The following AK5 variants were observed in gnomAD, a reference collection of about 807,000 sequenced individuals.
AK5 encodes adenylate kinase isoenzyme 5.
Under a neutral mutation model 69.5 loss-of-function variants are expected in AK5, and 27 were observed. The ratio of observed to expected loss-of-function variants is 0.39; its 90% CI spans 0.29 to 0.54. AK5 has a LOEUF of 0.54. Ranked by LOEUF, AK5 falls within the 20% of genes least tolerant of loss-of-function variation. AK5 has a pLI of 0.71. For missense variants in AK5, 531 were observed against 700.4 expected, an observed-to-expected ratio of 0.76 and a Z score of 2.73; for synonymous variants, 260 against 244.4, an observed-to-expected ratio of 1.06 and a Z score of -0.60.
intron 12 of AK5, among the ~76,000 whole-genome samples, chr1:77,528,147 C>A (rs2100335748): frequency 6.6e-6 from 1 of 152,342 alleles, no homozygotes; most frequent in African/African-American, 2.4e-5. Context: ...TAATGCCCTG[C>A]AGGGCCCTTC....
chr1:77,310,357 C>T (rs909849755), intron 5 of AK5, among the ~76,000 whole-genome samples: 15 of 151,726 alleles, frequency 9.9e-5, no homozygotes, highest in Non-Finnish European at 8.8e-5. Context: ...AAGAACAATC[C>T]CACCCCTTCT....
At chr1:77,353,408 G>A (rs77352995) in intron 6 of AK5, among the ~76,000 whole-genome samples, 6,429 of 152,212 alleles carry the variant, frequency 0.042, 200 homozygotes, top group South Asian at 0.094. Context: ...AACCCAGGAG[G>A]CGGATGTTGC....
intron 12 of AK5, among the ~76,000 whole-genome samples, chr1:77,527,876 A>G (rs898577389): frequency 6.6e-6 from 1 of 152,198 alleles, no homozygotes; most frequent in African/African-American, 2.4e-5. Context: ...CCAGACTAAC[A>G]TGGCGAAACC....
chr1:77,293,893 A>G lies in AK5; in HGVS notation c.348A>G (p.Ala116=), dbSNP rs2815311. Residue 116 remains alanine (A), a synonymous_variant, in exon 3 of 14, where the codon GCA becomes GCG. Transcript: ENST00000354567. The part of the protein sequence containing the change: ...IESDTDLSET[A]ELIEEYEVFD... ...GTGACACGGATCTCTCTGAGACTGCAGAGTTGATTGAGGAGTATGAGGTTT... is the reference window on the plus strand; with the variant it reads ...GTGACACGGATCTCTCTGAGACTGCGGAGTTGATTGAGGAGTATGAGGTTT... The G allele has an allele frequency of 0.19, 307,299 of 1,612,968 alleles. 31,570 individuals are homozygous for G. Among genetic ancestry groups the G allele is most frequent in the Non-Finnish European group, 0.21 (247,945 of 1,179,426 alleles).
At chr1:77,355,595 G>A (rs1662469704) in intron 6 of AK5, among the ~76,000 whole-genome samples, 1 of 152,090 alleles carries the variant, frequency 6.6e-6, no homozygotes, top group African/African-American at 2.4e-5. Flanking sequence ...GGGGACAGAT[G>A]CCCCCACTCT....
chr1:77,463,489 C>G (rs1653958389), intron 8 of AK5, among the ~76,000 whole-genome samples: 2 of 150,586 alleles, frequency 1.3e-5, no homozygotes, highest in African/African-American at 4.9e-5. Flanking sequence ...GAAAGACAGG[C>G]AATTTAAAAA....
At chr1:77,374,381 AT>A (rs911119879) in intron 6 of AK5, among the ~76,000 whole-genome samples, 9 of 145,676 alleles carry the variant, frequency 6.2e-5, no homozygotes, top group Admixed American at 3.4e-4. Flanking sequence ...TTCTCATTGC[AT>A]TTCAGTTCAG....
chr1:77,391,691 G>A (rs1370732771), intron 6 of AK5, among the ~76,000 whole-genome samples: 1 of 151,742 alleles, frequency 6.6e-6, no homozygotes, highest in Non-Finnish European at 1.5e-5. Flanking sequence ...CATTTCCCAT[G>A]TGCAGACACA....
intron 9 of AK5, among the ~76,000 whole-genome samples, chr1:77,485,765 G>C (rs1033982655): frequency 2.0e-5 from 3 of 152,082 alleles, no homozygotes; most frequent in African/African-American, 7.2e-5. Flanking sequence ...GTAAATTTTT[G>C]CCACCAAAAG....
intron 13 of AK5, among the ~76,000 whole-genome samples, chr1:77,537,429 G>A (rs141668379): frequency 6.6e-6 from 1 of 152,270 alleles, no homozygotes; most frequent in East Asian, 1.9e-4. Context: ...AAAGGGGCAG[G>A]AATAATCAGG....
intron 6 of AK5, among the ~76,000 whole-genome samples, chr1:77,376,451 C>CAAAAAAAAAAAAAAAAAAAAAAAAAAA (rs762576175): frequency 4.9e-5 from 2 of 41,036 alleles, no homozygotes; most frequent in African/African-American, 1.8e-4. Context: ...AAAAAAAAAA[C>CAAAAAAAAAAAAAAAAAAAAAAAAAAA]AAAAAAAAAA....
intron 6 of AK5, among the ~76,000 whole-genome samples, chr1:77,345,811 A>G (rs1302541379): frequency 1.3e-5 from 2 of 152,342 alleles, no homozygotes; most frequent in African/African-American, 4.8e-5. Flanking sequence ...CACTGAAACT[A>G]TGCACAGTTG....
chr1:77,509,549 A>G, intron 10 of AK5, among the ~76,000 whole-genome samples: 1 of 152,208 alleles, frequency 6.6e-6, no homozygotes, highest in East Asian at 1.9e-4. Flanking sequence ...TTTTCTCAGA[A>G]AAGAGTCATT....
chr1:77,290,102 G>T (rs367719361), intron 2 of AK5, among the ~76,000 whole-genome samples: 5 of 152,086 alleles, frequency 3.3e-5, no homozygotes, highest in African/African-American at 2.4e-5. Context: ...CCCACACAGG[G>T]ATCTTTTAGT....
intron 8 of AK5, among the ~76,000 whole-genome samples, chr1:77,470,864 TATATA>T (rs1654454100): frequency 1.5e-3 from 4 of 2,582 alleles, no homozygotes; most frequent in African/African-American, 3.6e-3. Flanking sequence ...TATATATATA[TATATA>T]TATATATTTT....
intron 8 of AK5, among the ~76,000 whole-genome samples, chr1:77,445,226 A>G (rs1179169304): frequency 3.3e-5 from 5 of 152,196 alleles, no homozygotes; most frequent in African/African-American, 1.2e-4. Context: ...CATAATGACT[A>G]CAGTATTATA....
chr1:77,484,332 T>C (rs749193183), intron 9 of AK5, among the ~76,000 whole-genome samples: 2 of 151,720 alleles, frequency 1.3e-5, no homozygotes, highest in Non-Finnish European at 2.9e-5. Flanking sequence ...ATAAAAGTTA[T>C]AATATAAGTC....
intron 12 of AK5, among the ~76,000 whole-genome samples, chr1:77,528,790 C>A (rs2100337082): frequency 6.6e-6 from 1 of 152,344 alleles, no homozygotes; most frequent in Middle Eastern, 3.4e-3. Context: ...CCCACTCCAG[C>A]TGAGAACCCC....
chr1:77,501,940 G>T (rs1301874725), intron 10 of AK5, among the ~76,000 whole-genome samples: 1 of 152,162 alleles, frequency 6.6e-6, no homozygotes, highest in Non-Finnish European at 1.5e-5. Flanking sequence ...TCAAAGAGAG[G>T]TTAGTCTAGC....
Sources: allele counts gnomAD v4.1 joint callset (sites outside exome capture counted in the v4.1 genomes callset), GRCh38; gene constraint gnomAD v4.1.1; transcripts MANE v1.5; gene names NCBI Gene and HGNC (gene_info 2026-07-23, HGNC 2026-07-21).